Variants in TTL observed in about 807,000 individuals in gnomAD.
The protein encoded by TTL is tubulin--tyrosine ligase.
In TTL, 10 loss-of-function variants were observed where a neutral mutation model predicts 41.1. The observed-to-expected ratio is 0.24, with a 90% confidence interval of 0.15 to 0.41. The LOEUF (loss-of-function observed/expected upper bound fraction) is 0.41, where lower values mean the gene tolerates loss of function less well. TTL is among the 10% of genes least tolerant of loss of function. TTL has a pLI of 1.00. For missense variants in TTL, 367 were observed against 460.4 expected, an observed-to-expected ratio of 0.80 and a Z score of 1.86; for synonymous variants, 175 against 175.5, an observed-to-expected ratio of 1.00 and a Z score of 0.02.
At chr2:112,524,587 CTTCTT>C (rs1217508393) in intron 6 of TTL, among the ~76,000 whole-genome samples, 1 of 152,192 alleles carries the variant, frequency 6.6e-6, no homozygotes, top group Non-Finnish European at 1.5e-5. Flanking sequence ...GCATAAATGT[CTTCTT>C]TTGAGAAGCG....
intron 6 of TTL, chr2:112,522,347 C>CA (rs1295143961): frequency 6.5e-6 from 1 of 152,788 alleles, no homozygotes; most frequent in Non-Finnish European, 1.5e-5. Context: ...GGTCCCCAGC[C>CA]AAGTCCTTAT....
At chr2:112,500,882 G>A (rs1257229769) in intron 3 of TTL, among the ~76,000 whole-genome samples, 8 of 147,868 alleles carry the variant, frequency 5.4e-5, no homozygotes, top group Admixed American at 2.0e-4. Flanking sequence ...AGTCTTTATT[G>A]TGGTAGCCAG....
At chr2:112,502,661 AT>A (rs59311967) in intron 4 of TTL, among the ~76,000 whole-genome samples, 61,223 of 150,236 alleles carry the variant, frequency 0.41, 12,738 homozygotes, top group East Asian at 0.58. Context: ...AAATCATCTG[AT>A]TTTTTTATCT....
At chr2:112,494,899 GC>G (rs2104452808) in intron 3 of TTL, among the ~76,000 whole-genome samples, 1 of 152,174 alleles carries the variant, frequency 6.6e-6, no homozygotes, top group Admixed American at 6.5e-5. Context: ...GTGTGTAACT[GC>G]CGAGCCTGCT....
chr2:112,501,311 T>C lies in TTL; in HGVS notation c.575T>C (p.Leu192Pro). Residue 192 changes from leucine to proline, a missense_variant, in exon 4 of 7, where the codon CTT becomes CCT. Physicochemically the swap from Leu to Pro is moderately conservative, Grantham distance 98. Transcript: ENST00000233336. The part of the protein sequence containing the change: ...IQKYLEHPLL[L>P]EPGHRKFDIR... ...AAATATCTTGAGCACCCTCTGCTGC[T>C]TGAGCCAGGTCATCGCAAGTTTGAC... The C allele has an allele frequency of 6.2e-7, 1 of 1,611,540 alleles. No individual in the cohort carries two copies. The highest frequency in any genetic ancestry group is 8.5e-7 in the Non-Finnish European group (1 of 1,178,766).
At chr2:112,520,612 A>T in intron 6 of TTL, 187 bp downstream of exon 6, 1 of 577,180 alleles carries the variant, frequency 1.7e-6, no homozygotes, top group Non-Finnish European at 2.8e-6. Flanking sequence ...TTCCCCGTGT[A>T]TAGGCCAGAT....
intron 5 of TTL, among the ~76,000 whole-genome samples, chr2:112,514,251 G>A (rs947301417): frequency 6.6e-5 from 10 of 152,004 alleles, no homozygotes; most frequent in Admixed American, 3.3e-4. Context: ...GCATGGTGGT[G>A]CACACCTGTG....
intron 2 of TTL, among the ~76,000 whole-genome samples, chr2:112,486,774 GAATT>G (rs1390103929): frequency 6.6e-6 from 1 of 152,190 alleles, no homozygotes; most frequent in African/African-American, 2.4e-5. Context: ...GCTATTATGA[GAATT>G]AAATAAGGTG....
At position 112,532,326 on chromosome 2, in the gene TTL, G is replaced by T. The variant is rs1682527726; in HGVS notation, c.*3531G>T. On this transcript the variant is annotated 3_prime_UTR_variant, in exon 7 of 7. Transcript: ENST00000233336. Reference sequence around the variant, plus strand: ...TTCTGGACACAAAATCTGTACTGGAGAGGAAATGACTGCTGAAATAAGGCG... The same window carrying T: ...TTCTGGACACAAAATCTGTACTGGATAGGAAATGACTGCTGAAATAAGGCG... The T allele has an allele frequency of 1.3e-5, 3 of 228,098 alleles. No individual in the cohort carries two copies. The highest frequency in any genetic ancestry group is 4.4e-5 in the African/African-American group (2 of 45,052). 14.1% of individuals were successfully genotyped at this position (228,098 alleles called of 1,614,324 possible). A position where few individuals can be genotyped will look rare whatever the true frequency, so the allele number is the denominator to read the frequency against.
At chr2:112,511,046 CT>C (rs1459530631) in intron 5 of TTL, among the ~76,000 whole-genome samples, 1 of 151,942 alleles carries the variant, frequency 6.6e-6, no homozygotes, top group African/African-American at 2.4e-5. Context: ...GAGACAAGGT[CT>C]TACTTTGTTT....
rs1681121987 is a variant in TTL, at chr2:112,482,595, C to A, written c.157+94C>A. ...AACCGGCGCTTTTGTTTTTAAAGGT[C>A]ATACATTTTCTCCTCTGTCGCTTGT... On this transcript the variant is annotated intron_variant, in intron 1 of 6. Transcript: ENST00000233336. The surrounding 1 kb of genome is among the most constrained non-coding windows in gnomAD (Gnocchi z 5.3). 3 of 1,352,202 alleles carry A rather than the reference C, an allele frequency of 2.2e-6. No homozygotes were observed. Among genetic ancestry groups the A allele is most frequent in the South Asian group, 1.6e-5 (1 of 64,334 alleles). The allele number at this position is 1,352,202 out of a possible 1,614,324, so 83.8% of individuals were successfully genotyped here. A position where few individuals can be genotyped will look rare whatever the true frequency, so the allele number is the denominator to read the frequency against.
intron 6 of TTL, among the ~76,000 whole-genome samples, chr2:112,528,215 A>G (rs1480743218): frequency 1.3e-5 from 2 of 152,186 alleles, no homozygotes; most frequent in Admixed American, 6.5e-5. Context: ...TTTGTGGGTA[A>G]CCCGACCTTT....
intron 3 of TTL, among the ~76,000 whole-genome samples, chr2:112,500,602 C>T (rs1227099919): frequency 6.6e-6 from 1 of 152,236 alleles, no homozygotes; most frequent in Non-Finnish European, 1.5e-5. Context: ...GAAATAACAA[C>T]AAAAACTGTA....
rs1429156567 is a variant in TTL at position 112,520,612 on chromosome 2, A to AATG, written c.1019+187_1019+188insATG. 12 of 577,118 alleles carry AATG rather than the reference A, an allele frequency of 2.1e-5. No individual in the cohort carries two copies. In the Admixed American group the frequency reaches 4.2e-4, roughly 20 times the overall value. 35.7% of individuals were successfully genotyped at this position (577,118 alleles called of 1,614,324 possible). ...CACTTCCTTTCCTATTTCCCCGTGT[A>AATG]TAGGCCAGATAGGCCCAGTGTGGTA... On this transcript the variant is annotated intron_variant, in intron 6 of 6. Coordinates refer to ENST00000233336, the MANE Select transcript of TTL (RefSeq NM_153712.5).
At chr2:112,484,286 C>T (rs915113777) in intron 1 of TTL, among the ~76,000 whole-genome samples, 5 of 148,312 alleles carry the variant, frequency 3.4e-5, no homozygotes, top group African/African-American at 1.2e-4. Context: ...TGTTTTGCGA[C>T]AGAGTCTCAC....
rs532118028 is a variant in TTL, at chr2:112,533,760, C to T, written c.*4965C>T. 1 of 152,322 alleles carries T rather than the reference C, an allele frequency of 6.6e-6. No individual in the cohort carries two copies. Among genetic ancestry groups the T allele is most frequent in the Admixed American group, 6.5e-5 (1 of 15,310 alleles). 9.4% of individuals were successfully genotyped at this position (152,322 alleles called of 1,614,324 possible). On this transcript the variant is annotated 3_prime_UTR_variant, in exon 7 of 7. Transcript: ENST00000233336. ...TGACCTAACCTCTTACAGGTCCCAC[C>T]TCTCAACACTATTGCAGTAGAGATT...
intron 5 of TTL, among the ~76,000 whole-genome samples, chr2:112,518,435 A>C (rs185239421): frequency 7.3e-4 from 111 of 152,154 alleles, no homozygotes; most frequent in African/African-American, 2.5e-3. Context: ...TCTTAAAAGA[A>C]CCATTTAAGC....
At chr2:112,520,131 A>C (rs940030414) in intron 5 of TTL, 151 bp from the exon 6 acceptor site, 3 of 101,826 alleles carry the variant, frequency 2.9e-5, no homozygotes, top group African/African-American at 1.1e-4. Flanking sequence ...ACTCCGTCTC[A>C]AAAAAAAAAA....
intron 2 of TTL, among the ~76,000 whole-genome samples, chr2:112,490,637 A>G (rs1169175199): frequency 3.0e-5 from 4 of 134,678 alleles, no homozygotes; most frequent in Non-Finnish European, 4.6e-5. Context: ...CAGTGGCACC[A>G]TCTCAGCTCA....
Sources: gnomAD v4.1 joint callset for allele counts (sites outside exome capture counted in the v4.1 genomes callset) on GRCh38, gnomAD v4.1.1 for gene constraint, Gnocchi (gnomAD v3.1) non-coding constraint, MANE v1.5 for transcripts, NCBI Gene and HGNC (gene_info 2026-07-23, HGNC 2026-07-21) for gene names.